TMEM131: variants seen among roughly 807,000 people sequenced by gnomAD.
TMEM131 encodes the protein transmembrane protein 131, also known as 2610524E03Rik.
In TMEM131, 66 loss-of-function variants were observed where a neutral mutation model predicts 211.6. The observed-to-expected ratio is 0.31, with a 90% CI of 0.26 to 0.38. The LOEUF (loss-of-function observed/expected upper bound fraction) is 0.38. TMEM131 is among the 10% of genes least tolerant of loss of function. The pLI, the probability that TMEM131 is intolerant of heterozygous loss-of-function variation, is 1.00. For missense variants in TMEM131, 2,036 were observed against 2,299.3 expected, an observed-to-expected ratio of 0.89 and a Z score of 2.34; for synonymous variants, 844 against 841.3, an observed-to-expected ratio of 1.00 and a Z score of -0.06.
chr2:97,957,556 G>A (rs1402894672), intron 1 of TMEM131, among the ~76,000 whole-genome samples: 1 of 152,044 alleles, frequency 6.6e-6, no homozygotes, highest in Admixed American at 6.5e-5. Context: ...AGGATGGGGA[G>A]AGGCAAGGTT....
chr2:97,759,590 AC>A, intron 39 of TMEM131, 61 bp downstream of exon 39: 1 of 1,392,494 alleles, frequency 7.2e-7, no homozygotes, highest in Non-Finnish European at 1.0e-6. Flanking sequence ...ACAAAACCAC[AC>A]CTCCTCTCCC....
chr2:97,878,962 C>A (rs779876198), intron 4 of TMEM131, among the ~76,000 whole-genome samples: 1 of 152,190 alleles, frequency 6.6e-6, no homozygotes, highest in Non-Finnish European at 1.5e-5. Flanking sequence ...AATCTTCATT[C>A]GGTGAGTACA....
At chr2:97,954,824 A>AC (rs1188225242) in intron 1 of TMEM131, among the ~76,000 whole-genome samples, 3 of 150,734 alleles carry the variant, frequency 2.0e-5, no homozygotes, top group African/African-American at 7.3e-5. Context: ...AAAAAAAAAA[A>AC]AAAAACTAAA....
chr2:97,831,129 A>G (rs1682662356), intron 11 of TMEM131, among the ~76,000 whole-genome samples: 1 of 152,246 alleles, frequency 6.6e-6, no homozygotes, highest in South Asian at 2.1e-4. Context: ...GCTGATTGCT[A>G]AATCAGATCC....
In TMEM131 at chr2:97,981,028, C is replaced by CAAAAAAAAAAAAA. The variant is rs57606185; in HGVS notation, c.187+14435_187+14447dup. On this transcript the variant is annotated intron_variant, in intron 1 of 40. Coordinates refer to ENST00000186436, the MANE Select transcript of TMEM131 (RefSeq NM_015348.2). ...TGCTGAAACTCACAGAACTACACAC[C>CAAAAAAAAAAAAA]AAAAAAAAAAAAAAAAAAAAAAAAA... Among the ~76,000 whole-genome samples, 42 of 37,970 alleles carry CAAAAAAAAAAAAA rather than the reference C, an allele frequency of 1.1e-3. 4 individuals carry two copies. Among genetic ancestry groups the CAAAAAAAAAAAAA allele is most frequent in the Non-Finnish European group, 1.4e-3 (31 of 21,680 alleles). 24.9% of individuals were successfully genotyped at this position (37,970 alleles called of 152,430 possible). A position where few individuals can be genotyped will look rare whatever the true frequency, so the allele number is the denominator to read the frequency against.
intron 1 of TMEM131, among the ~76,000 whole-genome samples, chr2:97,985,374 C>T (rs1031406803): frequency 1.3e-4 from 19 of 151,662 alleles, no homozygotes; most frequent in Admixed American, 9.8e-4. Flanking sequence ...TATATACACA[C>T]ACACACACAG....
At chr2:97,884,630 G>A (rs1675067058) in intron 4 of TMEM131, among the ~76,000 whole-genome samples, 1 of 152,124 alleles carries the variant, frequency 6.6e-6, no homozygotes, top group Non-Finnish European at 1.5e-5. Context: ...ATTTCCAACT[G>A]TTATATTTTC....
chr2:97,887,935 G>T, intron 4 of TMEM131, 117 bp downstream of exon 4: 1 of 747,778 alleles, frequency 1.3e-6, no homozygotes, highest in South Asian at 1.9e-5. Flanking sequence ...TTTTCCTGAT[G>T]ACTAGAACAT....
intron 4 of TMEM131, among the ~76,000 whole-genome samples, chr2:97,874,219 C>T (rs975354639): frequency 1.2e-4 from 18 of 152,088 alleles, no homozygotes; most frequent in African/African-American, 4.3e-4. Context: ...AAATATGGGA[C>T]TATGTGAAAA....
At chr2:97,831,069 T>C (rs555196428) in intron 11 of TMEM131, among the ~76,000 whole-genome samples, 1 of 152,318 alleles carries the variant, frequency 6.6e-6, no homozygotes, top group Non-Finnish European at 1.5e-5. Context: ...GTAGGTGGGC[T>C]TGCCCCATAG....
chr2:97,848,607 T>C (rs1683557133), intron 5 of TMEM131, among the ~76,000 whole-genome samples: 2 of 152,206 alleles, frequency 1.3e-5, no homozygotes, highest in Admixed American at 6.5e-5. Context: ...AAAAGTCTTG[T>C]TCAGTACAGA....
chr2:97,862,548 ACAAT>A (rs1281169413), intron 4 of TMEM131, among the ~76,000 whole-genome samples: 2 of 152,136 alleles, frequency 1.3e-5, no homozygotes, highest in Non-Finnish European at 2.9e-5. Flanking sequence ...ATAATTAAAA[ACAAT>A]CAAGCAGAAA....
intron 11 of TMEM131, chr2:97,827,304 G>A: frequency 1.3e-6 from 1 of 785,892 alleles, no homozygotes; most frequent in South Asian, 1.3e-5. Context: ...AGCCCAAGAG[G>A]AGATCGGCGC....
At chr2:97,868,075 A>G (rs1162116219) in intron 4 of TMEM131, among the ~76,000 whole-genome samples, 1 of 152,164 alleles carries the variant, frequency 6.6e-6, no homozygotes, top group African/African-American at 2.4e-5. Flanking sequence ...ATTTGCTTCA[A>G]GTATTCGGAA....
intron 25 of TMEM131, among the ~76,000 whole-genome samples, chr2:97,800,595 C>CAAAAAAAAAAAAAAAAAAAAA: frequency 8.1e-6 from 1 of 123,268 alleles, no homozygotes; most frequent in Non-Finnish European, 1.6e-5. Flanking sequence ...ACTAAAAATA[C>CAAAAAAAAAAAAAAAAAAAAA]AAAAAAAAAA....
Position 97,995,594 on chromosome 2 carries a change from G to C in TMEM131, c.69C>G (p.Ala23=). The change falls in exon 1 of 41, where the codon GCC becomes GCG. Residue 23 remains alanine, a synonymous_variant. Transcript: ENST00000186436. ...TTAAVSTSAG[A]GLEPAAARSG... is the part of the protein sequence containing the mutation. Reference sequence around the variant, plus strand: ...TACGGGCGGCCGCAGGTTCCAGCCCGGCCCCGGCGGACGTGGAGACGGCGG... The same window carrying C: ...TACGGGCGGCCGCAGGTTCCAGCCCCGCCCCGGCGGACGTGGAGACGGCGG... 7.9e-7 allele frequency: 1 copy of C among 1,263,826 alleles called. No individual in the cohort carries two copies. Among genetic ancestry groups the C allele is most frequent in the Non-Finnish European group, 9.9e-7 (1 of 1,006,160 alleles). 78.3% of individuals were successfully genotyped at this position (1,263,826 alleles called of 1,614,324 possible).
intron 32 of TMEM131, 118 bp from the exon 33 acceptor site, chr2:97,772,542 A>C: frequency 8.5e-7 from 1 of 1,174,520 alleles, no homozygotes. Flanking sequence ...ATATACGTAA[A>C]AACAAACTCG....
chr2:97,827,068 CAAAAAAAA>C (rs66841026), intron 11 of TMEM131, among the ~76,000 whole-genome samples: 42 of 93,666 alleles, frequency 4.5e-4, no homozygotes, highest in African/African-American at 1.1e-3. Context: ...AAGTGATAAG[CAAAAAAAA>C]AAAAAAAAAA....
In TMEM131 at chr2:97,978,439, T is replaced by C. The variant is rs551927138; in HGVS notation, c.187+17037A>G. Among the ~76,000 whole-genome samples, 16 of 152,296 alleles carry C rather than the reference T, an allele frequency of 1.1e-4. No homozygotes were observed. The South Asian group carries it at 1.7e-3, about 16-fold the overall frequency. ...CATCTTCAGGATGCCAGCCACTCTG[T>C]TGCCCAGGCTGGAGTGCTTACTGCA... On this transcript the variant is annotated intron_variant, in intron 1 of 40. Transcript: ENST00000186436.
Sources: gnomAD v4.1 joint callset for allele counts (sites outside exome capture counted in the v4.1 genomes callset) on GRCh38, gnomAD v4.1.1 for gene constraint, MANE v1.5 for transcripts, NCBI Gene and HGNC (gene_info 2026-07-23, HGNC 2026-07-21) for gene names.